The following TOMM20L variants were observed in gnomAD, a reference collection of about 807,000 sequenced individuals.
TOMM20L encodes TOMM20-like protein 1.
In TOMM20L, 19 loss-of-function variants were observed where a neutral mutation model predicts 20.4. That is an observed-to-expected ratio of 0.93 (90% CI 0.65 to 1.36). TOMM20L has a LOEUF of 1.36. TOMM20L is among the 40% of genes most tolerant of loss of function. TOMM20L has a pLI of 0.00. For synonymous variants in TOMM20L, 75 were observed against 79.6 expected (o/e 0.94, Z 0.30); for missense variants, 218 against 203.7 (o/e 1.07, Z -0.43).
At chr14:58,416,593 G>A in the TOMM20L span, among the ~76,000 whole-genome samples, 7 of 152,266 alleles carry the variant, frequency 4.6e-5, no homozygotes, top group South Asian at 1.4e-3. Context: ...ACATCAAGGA[G>A]GAAAACACAG....
intron 3 of TOMM20L, among the ~76,000 whole-genome samples, chr14:58,407,065 G>A (rs1314839688): frequency 1.3e-5 from 2 of 152,058 alleles, no homozygotes; most frequent in African/African-American, 4.8e-5. Context: ...TATAGAACAC[G>A]AGCATTTCCA....
chr14:58,409,225 T>A, downstream of TOMM20L: 1 of 1,586,946 alleles, frequency 6.3e-7, no homozygotes, highest in East Asian at 2.2e-5. Context: ...TTTTTTAAAA[T>A]GCATGTATTC....
At chr14:58,405,113 C>A (rs2036041731) in intron 3 of TOMM20L, among the ~76,000 whole-genome samples, 1 of 151,974 alleles carries the variant, frequency 6.6e-6, no homozygotes, top group Non-Finnish European at 1.5e-5. Context: ...GGATTACAGG[C>A]GTGCACCACC....
At chr14:58,406,412 T>C (rs1221230575) in intron 3 of TOMM20L, among the ~76,000 whole-genome samples, 1 of 152,230 alleles carries the variant, frequency 6.6e-6, no homozygotes. Flanking sequence ...CCTATAACCA[T>C]GTATTTCAAC....
At chr14:58,396,948 G>T (rs1366304203) in intron 2 of TOMM20L, among the ~76,000 whole-genome samples, 2 of 152,218 alleles carry the variant, frequency 1.3e-5, no homozygotes, top group Non-Finnish European at 1.5e-5. Context: ...ACAAAAATTA[G>T]CCGGGAGTGG....
chr14:58,409,495 G>A (rs986312995), downstream of TOMM20L, among the ~76,000 whole-genome samples: 2 of 152,170 alleles, frequency 1.3e-5, no homozygotes, highest in Admixed American at 6.5e-5. Flanking sequence ...TTATTAAAAT[G>A]TAGACCCAGT....
chr14:58,411,884 T>C, downstream of TOMM20L: 28 of 1,612,890 alleles, frequency 1.7e-5, no homozygotes, highest in Non-Finnish European at 2.3e-5. Flanking sequence ...CAAAATCTTT[T>C]CCCCTTAATT....
chr14:58,397,378 T>C (rs2035941331), intron 2 of TOMM20L, among the ~76,000 whole-genome samples: 1 of 152,204 alleles, frequency 6.6e-6, no homozygotes. Flanking sequence ...TCTGGCAACA[T>C]TGAAGCCTAC....
At chr14:58,415,990 T>C in the TOMM20L span, among the ~76,000 whole-genome samples, 1 of 145,380 alleles carries the variant, frequency 6.9e-6, no homozygotes, top group Non-Finnish European at 1.5e-5. Flanking sequence ...CCAAAGCGGG[T>C]GGGTCGATTG....
downstream of TOMM20L, chr14:58,410,753 A>G (rs547975733): frequency 1.4e-5 from 12 of 869,020 alleles, no homozygotes; most frequent in African/African-American, 1.4e-4. Flanking sequence ...AATTCCTGTA[A>G]TAAGTAGGAA....
At chr14:58,405,709 G>A (rs2036048721) in intron 3 of TOMM20L, among the ~76,000 whole-genome samples, 1 of 152,092 alleles carries the variant, frequency 6.6e-6, no homozygotes, top group African/African-American at 2.4e-5. Context: ...GTTTTGCCAT[G>A]TTGGCCAGGC....
intron 2 of TOMM20L, among the ~76,000 whole-genome samples, chr14:58,402,087 T>C (rs2035999695): frequency 6.6e-6 from 1 of 152,144 alleles, no homozygotes; most frequent in Non-Finnish European, 1.5e-5. Context: ...TTAACTACAG[T>C]AGGATTTATG....
At chr14:58,414,009 A>G in the TOMM20L span, among the ~76,000 whole-genome samples, 8 of 43,294 alleles carry the variant, frequency 1.8e-4, no homozygotes, top group Admixed American at 7.8e-4. Context: ...TCCGTCTCAG[A>G]AAAAAAAAAA....
At chr14:58,414,081 T>C in the TOMM20L span, among the ~76,000 whole-genome samples, 1 of 121,084 alleles carries the variant, frequency 8.3e-6, no homozygotes, top group Non-Finnish European at 1.8e-5. Context: ...TTAAACAGCA[T>C]GTAAAAGGAA....
chr14:58,400,120 G>A (rs944390621), intron 2 of TOMM20L, among the ~76,000 whole-genome samples: 6 of 151,588 alleles, frequency 4.0e-5, no homozygotes, highest in Admixed American at 3.9e-4. Context: ...TTAAAGACCA[G>A]CTTTGCTGGG....
the TOMM20L span, among the ~76,000 whole-genome samples, chr14:58,416,123 G>A: frequency 6.6e-6 from 1 of 152,004 alleles, no homozygotes; most frequent in South Asian, 2.1e-4. Flanking sequence ...AGCTACTCAG[G>A]TGGCTGAGGC....
chr14:58,397,434 G>A (rs1471670287), intron 2 of TOMM20L, among the ~76,000 whole-genome samples: 1 of 152,172 alleles, frequency 6.6e-6, no homozygotes, highest in African/African-American at 2.4e-5. Context: ...CAACAGGGAT[G>A]GCAAGGTTTT....
At chr14:58,414,131 T>C in the TOMM20L span, among the ~76,000 whole-genome samples, 3 of 149,162 alleles carry the variant, frequency 2.0e-5, no homozygotes, top group East Asian at 6.0e-4. Flanking sequence ...ATAAATGCTA[T>C]ACATTTTATT....
In TOMM20L at chr14:58,407,522, A is replaced by T. The variant is rs1595001779; in HGVS notation, c.405+54A>T. 7 of 1,520,386 alleles carry T rather than the reference A, an allele frequency of 4.6e-6. No homozygotes were observed. The East Asian group carries it at 7.2e-5, about 16-fold the overall frequency. 94.2% of individuals were successfully genotyped at this position (1,520,386 alleles called of 1,614,324 possible). A position where few individuals can be genotyped will look rare whatever the true frequency, so the allele number is the denominator to read the frequency against. ...AATGTACACAGTAAATAGCTATGTT[A>T]TGCTTGACTACACAGAAATATCAAA... On this transcript the variant is annotated intron_variant, in intron 4 of 4. Coordinates refer to ENST00000360945, the MANE Select transcript of TOMM20L (RefSeq NM_207377.3).
Sources: gnomAD v4.1 joint callset for allele counts (sites outside exome capture counted in the v4.1 genomes callset) on GRCh38, gnomAD v4.1.1 for gene constraint, MANE v1.5 for transcripts, NCBI Gene and HGNC (gene_info 2026-07-23, HGNC 2026-07-21) for gene names.